The following AKAP9 variants were observed in gnomAD, a reference collection of about 807,000 sequenced individuals.
AKAP9 encodes the protein A-kinase anchor protein 9.
Under a neutral mutation model 488.5 loss-of-function variants are expected in AKAP9, and 311 were observed. The ratio of observed to expected loss-of-function variants is 0.64; its 90% confidence interval spans 0.58 to 0.70. The LOEUF (loss-of-function observed/expected upper bound fraction) is 0.70. AKAP9 is among the 30% of genes least tolerant of loss of function. AKAP9 has a pLI of 0.00. For missense variants in AKAP9, 4,215 were observed against 4,374.5 expected, an observed-to-expected ratio of 0.96 and a Z score of 1.03; for synonymous variants, 1,462 against 1,483.5, an observed-to-expected ratio of 0.99 and a Z score of 0.33.
In AKAP9 at chr7:92,009,778, T is replaced by C. The variant is rs527424291; in HGVS notation, c.3319-2651T>C. On this transcript the variant is annotated intron_variant, in intron 8 of 49. Transcript: ENST00000356239. ...TCTTAAATAAAATATTAGCAAATTA[T>C]TCTAAGAATGGAAGAATAGTTCAAC... Among the ~76,000 whole-genome samples, 234 of 152,360 alleles carry C rather than the reference T, an allele frequency of 1.5e-3. No homozygotes were observed. The Middle Eastern group carries it at 0.017, about 11-fold the overall frequency.
chr7:91,942,052 A>G (rs1790830997), intron 1 of AKAP9, among the ~76,000 whole-genome samples: 1 of 152,218 alleles, frequency 6.6e-6, no homozygotes. Flanking sequence ...TACATATTTG[A>G]GCATATATTT....
At position 92,096,603 on chromosome 7, in the gene AKAP9, C is replaced by T. The variant is rs1042721850; in HGVS notation, c.9730-86C>T. On this transcript the variant is annotated intron_variant, in intron 40 of 49. Coordinates refer to ENST00000356239, the MANE Select transcript of AKAP9 (RefSeq NM_005751.5). ...CTGCCCGCCTCGGCCTCCCAAAGTG[C>T]TGGGATTACAGGCGTGAGCCACCAC... The T allele has an allele frequency of 2.3e-5, 35 of 1,511,454 alleles. 1 individual carries two copies. The African/African-American group carries it at 4.5e-4, about 19-fold the overall frequency. 93.6% of individuals were successfully genotyped at this position (1,511,454 alleles called of 1,614,324 possible). A position where few individuals can be genotyped will look rare whatever the true frequency, so the allele number is the denominator to read the frequency against.
chr7:92,077,039 A>G (rs537422570), intron 29 of AKAP9, 32 bp downstream of exon 29: 3 of 1,350,136 alleles, frequency 2.2e-6, no homozygotes, highest in South Asian at 1.4e-5. Context: ...TTATCTGTAA[A>G]TAAGTCATAG....
At chr7:92,005,019 T>C (rs1196043481) in intron 8 of AKAP9, among the ~76,000 whole-genome samples, 6 of 152,238 alleles carry the variant, frequency 3.9e-5, no homozygotes, top group Non-Finnish European at 8.8e-5. Context: ...TGAGAGTTTT[T>C]AGCATGAAGT....
intron 40 of AKAP9, 82 bp from the exon 41 acceptor site, chr7:92,096,607 G>A: frequency 1.3e-6 from 2 of 1,542,946 alleles, no homozygotes; most frequent in East Asian, 2.3e-5. Context: ...AAAGTGCTGG[G>A]ATTACAGGCG....
chr7:92,109,652 T>C (rs1240611553), intron 49 of AKAP9, among the ~76,000 whole-genome samples: 1 of 152,186 alleles, frequency 6.6e-6, no homozygotes, highest in African/African-American at 2.4e-5. Flanking sequence ...AGCTTAAGTA[T>C]ATGGGCTGGG....
chr7:92,047,112 C>G (rs888007369), intron 21 of AKAP9, among the ~76,000 whole-genome samples: 4 of 152,166 alleles, frequency 2.6e-5, no homozygotes, highest in Non-Finnish European at 5.9e-5. Flanking sequence ...GAAAGCAGAC[C>G]TAAAAAGACT....
At position 92,061,123 on chromosome 7, in the gene AKAP9, C is replaced by T. The variant is rs1234479497; in HGVS notation, c.5602-137C>T. Reference sequence around the variant, plus strand: ...TCCTACCTGCTAATCTTAGCATACACTGGCAATATCTAAATGACTACAATT... The same window carrying T: ...TCCTACCTGCTAATCTTAGCATACATTGGCAATATCTAAATGACTACAATT... On this transcript the variant is annotated intron_variant, in intron 22 of 49. Coordinates refer to ENST00000356239, the MANE Select transcript of AKAP9 (RefSeq NM_005751.5). 3.0e-6 allele frequency: 3 copies of T among 997,776 alleles called. No homozygotes were observed. In the Admixed American group the frequency reaches 6.2e-5, roughly 21 times the overall value. 61.8% of individuals were successfully genotyped at this position (997,776 alleles called of 1,614,324 possible).
In AKAP9 at chr7:91,974,158, T is replaced by TTAA. The variant is rs554253066; in HGVS notation, c.306+193_306+195dup. ...AGAGAGGGAGTTTTGTGAGTTTAAT[T>TTAA]TAATATATGTTGAACAACTGCAGTA... On this transcript the variant is annotated intron_variant, in intron 2 of 49. Transcript: ENST00000356239. Among the ~76,000 whole-genome samples, 349 of 152,278 alleles carry TTAA rather than the reference T, an allele frequency of 2.3e-3. 3 individuals are homozygous for TTAA. The highest frequency in any genetic ancestry group is 8.2e-3 in the African/African-American group (339 of 41,544).
At chr7:92,030,263 T>G (rs1333507007) in intron 15 of AKAP9, among the ~76,000 whole-genome samples, 2 of 152,244 alleles carry the variant, frequency 1.3e-5, no homozygotes, top group Non-Finnish European at 2.9e-5. Context: ...TTGTAACATG[T>G]GGGCTATGTA....
At position 92,002,248 on chromosome 7, in the gene AKAP9, T is replaced by C. The variant is rs1253696193; in HGVS notation, c.2331T>C (p.Asn777=). The change falls in exon 8 of 50, where the codon AAT becomes AAC. Residue 777 remains asparagine, a synonymous_variant. Coordinates refer to ENST00000356239, the MANE Select transcript of AKAP9 (RefSeq NM_005751.5). ...AATTTGCACAACTTGAAGCAGAGAATAGCATTCTTAAAGATGAAAAGAAAA... is the reference window on the plus strand; with the variant it reads ...AATTTGCACAACTTGAAGCAGAGAACAGCATTCTTAAAGATGAAAAGAAAA... ...QEKFAQLEAE[N]SILKDEKKTL... The C allele has an allele frequency of 2.5e-6, 4 of 1,600,296 alleles. No homozygotes were observed. The African/African-American group carries it at 5.4e-5, about 22-fold the overall frequency.
chr7:92,084,587 T>A, intron 33 of AKAP9, 53 bp from the exon 34 acceptor site: 1 of 1,313,330 alleles, frequency 7.6e-7, no homozygotes, highest in Admixed American at 1.7e-5. Context: ...ATTCATTGTA[T>A]TCTATTTTTA....
chr7:92,029,795 C>T, intron 14 of AKAP9, 100 bp from the exon 15 acceptor site: 4 of 954,524 alleles, frequency 4.2e-6, no homozygotes, highest in Non-Finnish European at 6.9e-6. Context: ...ATTTTTGTCT[C>T]CCATGCCCCA....
intron 3 of AKAP9, among the ~76,000 whole-genome samples, chr7:91,989,446 C>G (rs918762118): frequency 6.6e-6 from 1 of 151,990 alleles, no homozygotes; most frequent in African/African-American, 2.4e-5. Context: ...CGTTTCATGT[C>G]CAGAATACCA....
chr7:91,968,343 AATTT>A (rs779460279), intron 1 of AKAP9, among the ~76,000 whole-genome samples: 11 of 152,010 alleles, frequency 7.2e-5, no homozygotes, highest in Non-Finnish European at 1.3e-4. Context: ...TGTGTCCAGG[AATTT>A]ATTTATCTTT....
chr7:92,110,303 C>T lies in AKAP9; in HGVS notation c.*144C>T. ...ATTGTATACAAATCCCTTGCCAGCA[C>T]ATGAAAACAAACTGGAATTTGTATA... On this transcript the variant is annotated 3_prime_UTR_variant, in exon 50 of 50. Transcript: ENST00000356239. 1 of 677,416 alleles carries T rather than the reference C, an allele frequency of 1.5e-6. No homozygotes were observed. The highest frequency in any genetic ancestry group is 1.8e-5 in the South Asian group (1 of 54,918). The allele number at this position is 677,416 out of a possible 1,614,324, so 42.0% of individuals were successfully genotyped here.
At chr7:92,041,104 C>G (rs575951050) in intron 18 of AKAP9, 2 of 515,200 alleles carry the variant, frequency 3.9e-6, no homozygotes, top group Non-Finnish European at 3.4e-6. Context: ...GTTAGGGACA[C>G]CTATCTCAAC....
chr7:91,987,768 C>A (rs1797283840), intron 3 of AKAP9, among the ~76,000 whole-genome samples: 1 of 152,078 alleles, frequency 6.6e-6, no homozygotes, highest in African/African-American at 2.4e-5. Flanking sequence ...ATTCAGGAGG[C>A]AGAAAAATCA....
chr7:92,042,106 C>G lies in AKAP9; in HGVS notation c.4978C>G (p.Leu1660Val), dbSNP rs748552666. The G allele has an allele frequency of 3.7e-6, 6 of 1,613,882 alleles. No homozygotes were observed. The highest frequency in any genetic ancestry group is 2.2e-5 in the East Asian group (1 of 44,856). The change falls in exon 19 of 50, where the codon CTG becomes GTG. Residue 1660 changes from leucine (L) to valine (V), a missense_variant. Leu to Val is a conservative substitution (Grantham distance 32, BLOSUM62 1). This residue lies in a region of AKAP9 where 2,361 missense variants were observed against 2,430.0 expected (regional missense o/e 0.97). Coordinates refer to ENST00000356239, the MANE Select transcript of AKAP9 (RefSeq NM_005751.5). ...SERERVLLEE[L>V]EALKQLSLAG... is the part of the protein sequence containing the mutation. ...GAGAGAGAGGGTGCTTTTAGAGGAG[C>G]TGGAAGCACTAAAGCAGCTGTCTTT...
Sources: gnomAD v4.1 joint callset for allele counts (sites outside exome capture counted in the v4.1 genomes callset) on GRCh38, gnomAD v4.1.1 for gene constraint, gnomAD v4.1.1 regional missense constraint, MANE v1.5 for transcripts, NCBI Gene and HGNC (gene_info 2026-07-23, HGNC 2026-07-21) for gene names.